Variants in SYNE2 observed in about 807,000 individuals in gnomAD.
SYNE2 encodes the protein spectrin repeat containing nuclear envelope protein 2.
SYNE2 carries 431 observed loss-of-function variants against 856.3 expected under a neutral mutation model. The ratio of observed to expected loss-of-function variants is 0.50; its 90% CI spans 0.47 to 0.55. The LOEUF (loss-of-function observed/expected upper bound fraction) is 0.55, where lower values mean the gene tolerates loss of function less well. Ranked by LOEUF, SYNE2 falls within the 20% of genes least tolerant of loss-of-function variation. The pLI, the probability that SYNE2 is intolerant of heterozygous loss-of-function variation, is 0.00. For synonymous variants in SYNE2, 2,923 were observed against 2,872.3 expected, an observed-to-expected ratio of 1.02 and a Z score of -0.56; for missense variants, 8,129 against 8,023.2, an observed-to-expected ratio of 1.01 and a Z score of -0.50.
chr14:63,884,695 C>T (rs879638215), intron 1 of SYNE2, among the ~76,000 whole-genome samples: 5 of 151,894 alleles, frequency 3.3e-5, no homozygotes, highest in South Asian at 2.1e-4. Flanking sequence ...ATTCTTTGGC[C>T]GTGTTTGTAG....
chr14:64,170,607 C>A (rs1027632055), intron 94 of SYNE2, 145 bp downstream of exon 94: 1 of 791,072 alleles, frequency 1.3e-6, no homozygotes, highest in African/African-American at 1.7e-5. Flanking sequence ...GCAGTCACCA[C>A]CCCCCACAGC....
chr14:64,022,674 A>G (rs193159139), intron 37 of SYNE2, 77 bp from the exon 38 acceptor site: 1 of 812,934 alleles, frequency 1.2e-6, no homozygotes, highest in East Asian at 2.7e-5. Context: ...ATGGGAAACA[A>G]GTTTCAAAAT....
chr14:64,157,575 C>T (rs572623967), intron 85 of SYNE2, among the ~76,000 whole-genome samples: 9 of 151,130 alleles, frequency 6.0e-5, no homozygotes, highest in East Asian at 4.0e-4. Context: ...TGTGAACATA[C>T]GCTTTTAATT....
rs201357524 is a variant in SYNE2 at position 64,126,468 on chromosome 14, G to T, written c.13696G>T (p.Val4566Leu). 2 of 1,614,122 alleles carry T rather than the reference G, an allele frequency of 1.2e-6. No homozygotes were observed. Among genetic ancestry groups the T allele is most frequent in the African/African-American group, 2.7e-5 (2 of 75,036 alleles). The change falls in exon 72 of 116, where the codon GTG becomes TTG. Residue 4566 changes from valine (V) to leucine (L), a missense_variant. Val to Leu is a conservative substitution (Grantham distance 32). Coordinates refer to ENST00000555002, the MANE Select transcript of SYNE2 (RefSeq NM_182914.3). ...LYREDGSGQQ[V>L]HYETLALELK... ...CAGGGAGGATGGTTCTGGCCAGCAGGTGCACTACGAGGTAGGGCACTTCTC... is the reference window on the plus strand; with the variant it reads ...CAGGGAGGATGGTTCTGGCCAGCAGTTGCACTACGAGGTAGGGCACTTCTC...
chr14:64,106,847 G>T (rs2097775135), intron 64 of SYNE2, among the ~76,000 whole-genome samples: 1 of 152,102 alleles, frequency 6.6e-6, no homozygotes, highest in African/African-American at 2.4e-5. Flanking sequence ...AGAATTTATT[G>T]TTAGGGGTGA....
At chr14:64,141,209 G>GGT (rs59705430) in intron 80 of SYNE2, 132 bp from the exon 81 acceptor site, 75,779 of 648,486 alleles carry the variant, frequency 0.12, 3,155 homozygotes, top group East Asian at 0.34. Flanking sequence ...AGGAAAAAGG[G>GGT]GTGTGTGTGT....
At position 63,998,293 on chromosome 14, in the gene SYNE2, G is replaced by C. The variant is rs374026048; in HGVS notation, c.3318G>C (p.Lys1106Asn). 3 of 1,613,620 alleles carry C rather than the reference G, an allele frequency of 1.9e-6. No homozygotes were observed. Among genetic ancestry groups the C allele is most frequent in the African/African-American group, 2.7e-5 (2 of 75,020 alleles). Reference protein sequence around the residue: ...RPLQEESIMEKDYSASINSLL... With the variant: ...RPLQEESIMENDYSASINSLL... ...TGCAAGAAGAAAGCATTATGGAAAA[G>C]GATTACAGTGCATCTATAAATAGTT... The change falls in exon 26 of 116, where the codon AAG becomes AAC. Residue 1106 changes from lysine to asparagine, a missense_variant. Physicochemically the swap from Lys to Asn is moderately conservative, Grantham distance 94 (BLOSUM62 0). This residue lies in a region of SYNE2 where 2,422 missense variants were observed against 2,357.4 expected (regional missense o/e 1.03). Coordinates refer to ENST00000555002, the MANE Select transcript of SYNE2 (RefSeq NM_182914.3).
chr14:63,886,524 T>C (rs371551974), intron 1 of SYNE2, among the ~76,000 whole-genome samples: 125 of 152,252 alleles, frequency 8.2e-4, no homozygotes, highest in Middle Eastern at 3.4e-3. Flanking sequence ...AAGTGCAGAG[T>C]CAATTATTAG....
chr14:63,964,225 C>T (rs575976878), intron 10 of SYNE2, among the ~76,000 whole-genome samples: 2 of 152,294 alleles, frequency 1.3e-5, no homozygotes, highest in South Asian at 2.1e-4. Context: ...GGGCAGGGCC[C>T]AAGTTTTTGT....
chr14:64,132,674 A>T (rs562723740), intron 77 of SYNE2, among the ~76,000 whole-genome samples: 1 of 152,318 alleles, frequency 6.6e-6, no homozygotes, highest in South Asian at 2.1e-4. Flanking sequence ...TTTTAGGTTC[A>T]TGTATGAATA....
chr14:63,867,244 T>C (rs1895599143), intron 1 of SYNE2, among the ~76,000 whole-genome samples: 1 of 152,202 alleles, frequency 6.6e-6, no homozygotes, highest in Non-Finnish European at 1.5e-5. Flanking sequence ...TACCCCATGA[T>C]TCTGTACAGA....
intron 1 of SYNE2, among the ~76,000 whole-genome samples, chr14:63,777,881 C>A (rs1887166551): frequency 6.6e-6 from 1 of 152,146 alleles, no homozygotes; most frequent in Non-Finnish European, 1.5e-5. Flanking sequence ...GTTGCTCAGG[C>A]TGGTCTCAAA....
chr14:63,978,634 TTC>T (rs978606957), intron 13 of SYNE2, among the ~76,000 whole-genome samples: 23 of 152,324 alleles, frequency 1.5e-4, no homozygotes, highest in Non-Finnish European at 2.9e-4. Context: ...TCAGAAAATG[TTC>T]TGTTTTTGAT....
rs750018292 is a variant in SYNE2, at chr14:64,162,125, T to C, written c.16148T>C (p.Leu5383Pro). The C allele has an allele frequency of 2.5e-6, 4 of 1,614,224 alleles. 1 individual carries two copies. In the South Asian group the frequency reaches 4.4e-5, roughly 18 times the overall value. ...GACCAGTTGCAGAAGGCCCAGAGTC[T>C]GCTCCAGCTCTGGAAGGCCTATAGC... ...IADQLQKAQS[L>P]LQLWKAYSNA... The change falls in exon 88 of 116, where the codon CTG (leucine) becomes CCG (proline). Residue 5383 changes from leucine to proline, a missense_variant. Leu to Pro is a moderately conservative substitution (Grantham distance 98, BLOSUM62 -3). Coordinates refer to ENST00000555002, the MANE Select transcript of SYNE2 (RefSeq NM_182914.3).
intron 108 of SYNE2, among the ~76,000 whole-genome samples, chr14:64,216,926 A>ATG (rs1235613390): frequency 6.6e-6 from 1 of 152,072 alleles, no homozygotes; most frequent in Non-Finnish European, 1.5e-5. Flanking sequence ...GGGTTTCACC[A>ATG]TGTTGGCCAG....
intron 57 of SYNE2, among the ~76,000 whole-genome samples, chr14:64,083,404 T>TAAA (rs397941557): frequency 1.4e-5 from 2 of 145,694 alleles, no homozygotes; most frequent in East Asian, 2.0e-4. Flanking sequence ...TATTATGAGT[T>TAAA]AAAAAAAAAA....
At chr14:63,973,360 A>G (rs1050803686) in intron 11 of SYNE2, among the ~76,000 whole-genome samples, 6 of 152,146 alleles carry the variant, frequency 3.9e-5, no homozygotes, top group African/African-American at 1.4e-4. Flanking sequence ...GGCCAGGTGC[A>G]GTGGCTCACG....
At chr14:63,900,730 A>C (rs1442382797) in intron 1 of SYNE2, among the ~76,000 whole-genome samples, 2 of 152,192 alleles carry the variant, frequency 1.3e-5, no homozygotes, top group Non-Finnish European at 2.9e-5. Flanking sequence ...CCTGACCTGG[A>C]AATATGCACC....
chr14:63,797,546 A>G (rs1419486968), intron 1 of SYNE2, among the ~76,000 whole-genome samples: 1 of 152,020 alleles, frequency 6.6e-6, no homozygotes, highest in Non-Finnish European at 1.5e-5. Context: ...GGTTCAAGCA[A>G]TTCTCCTGTC....
Sources: gnomAD v4.1 joint callset for allele counts (sites outside exome capture counted in the v4.1 genomes callset) on GRCh38, gnomAD v4.1.1 for gene constraint, gnomAD v4.1.1 regional missense constraint, MANE v1.5 for transcripts, NCBI Gene and HGNC (gene_info 2026-07-23, HGNC 2026-07-21) for gene names.